The following RAPGEF2 variants were observed in gnomAD, a reference collection of about 807,000 sequenced individuals.
RAPGEF2 encodes PDZ domain containing guanine nucleotide exchange factor (GEF) 1.
In RAPGEF2, 54 loss-of-function variants were observed where a neutral mutation model predicts 186.7. The observed-to-expected ratio is 0.29, with a 90% CI of 0.23 to 0.36. The LOEUF (loss-of-function observed/expected upper bound fraction) is 0.36, where lower values mean the gene tolerates loss of function less well. RAPGEF2 is among the 10% of genes least tolerant of loss of function. RAPGEF2 has a pLI of 1.00. For missense variants in RAPGEF2, 1,532 were observed against 2,045.0 expected (o/e 0.75, Z 4.84); for synonymous variants, 712 against 705.9 (o/e 1.01, Z -0.14).
chr4:159,235,090 G>C lies in RAPGEF2; in HGVS notation c.282-3719G>C, dbSNP rs13152231. On this transcript the variant is annotated intron_variant, in intron 4 of 29. Transcript: ENST00000691494. ...AAAATTATCTTAATCTATACATCTG[G>C]TCTTTTGGAAAGCCCTTTGGATTCC... 1.6e-3 allele frequency among the ~76,000 whole-genome samples: 239 copies of C among 152,152 alleles called. 1 individual carries two copies. The highest frequency in any genetic ancestry group is 3.4e-3 in the Middle Eastern group (1 of 294).
chr4:159,343,736 A>G (rs1030988882), intron 22 of RAPGEF2, among the ~76,000 whole-genome samples: 1 of 152,244 alleles, frequency 6.6e-6, no homozygotes, highest in African/African-American at 2.4e-5. Context: ...AAATACCCCA[A>G]ATAGTCTTGT....
At chr4:159,344,800 C>T (rs911214334) in intron 23 of RAPGEF2, among the ~76,000 whole-genome samples, 1 of 152,152 alleles carries the variant, frequency 6.6e-6, no homozygotes, top group African/African-American at 2.4e-5. Flanking sequence ...TGAGCTTTTA[C>T]ATGTAATTAT....
chr4:159,182,315 A>G (rs1274409308), intron 1 of RAPGEF2, among the ~76,000 whole-genome samples: 2 of 151,978 alleles, frequency 1.3e-5, no homozygotes, highest in Non-Finnish European at 2.9e-5. Flanking sequence ...AACATACCAT[A>G]ACATTGTTTT....
In RAPGEF2 at chr4:159,265,931, A is replaced by G. The variant is rs377235515; in HGVS notation, c.543+22140A>G. On this transcript the variant is annotated intron_variant, in intron 7 of 29. Transcript: ENST00000691494. ...GGAAACTCTTAGATGTAGAAATGGCATAACAGGATCACTATGGTTCATCAT... is the reference window on the plus strand; with the variant it reads ...GGAAACTCTTAGATGTAGAAATGGCGTAACAGGATCACTATGGTTCATCAT... Among the ~76,000 whole-genome samples the G allele has an allele frequency of 6.9e-3, 1,058 of 152,336 alleles. 7 individuals are homozygous for G. Among genetic ancestry groups the G allele is most frequent in the Non-Finnish European group, 0.011 (764 of 68,036 alleles).
At chr4:159,170,695 A>G (rs993458921) in intron 1 of RAPGEF2, among the ~76,000 whole-genome samples, 3 of 152,164 alleles carry the variant, frequency 2.0e-5, no homozygotes, top group Admixed American at 6.5e-5. Flanking sequence ...GCTATACAGA[A>G]ACTTTTTAGT....
chr4:159,248,577 T>C (rs935820399), intron 7 of RAPGEF2, among the ~76,000 whole-genome samples: 8 of 152,210 alleles, frequency 5.3e-5, no homozygotes, highest in Admixed American at 2.0e-4. Context: ...CTGTGTGTGC[T>C]GCAATTTCTG....
chr4:159,328,246 A>G (rs1417332275), intron 11 of RAPGEF2: 3 of 152,158 alleles, frequency 2.0e-5, no homozygotes, highest in African/African-American at 7.2e-5. Flanking sequence ...AGGATCATGT[A>G]TTTTGAAACA....
intron 1 of RAPGEF2, among the ~76,000 whole-genome samples, chr4:159,130,234 T>A (rs554793074): frequency 2.2e-4 from 33 of 152,278 alleles, no homozygotes; most frequent in Admixed American, 2.0e-3. Flanking sequence ...ATCAGCAGGG[T>A]CTTTTTGACC....
Position 159,311,228 on chromosome 4 carries a change from A to ATATGATAGTCATTCAATATAGGATCAC in RAPGEF2, c.676-3359_676-3333dup, listed in dbSNP as rs578254016. 1.4e-4 allele frequency among the ~76,000 whole-genome samples: 22 copies of ATATGATAGTCATTCAATATAGGATCAC among 152,348 alleles called. No individual in the cohort carries two copies. In the South Asian group the frequency reaches 4.6e-3, roughly 32 times the overall value. ...AAACATCAACTTTAGTGCTAGACAC[A>ATATGATAGTCATTCAATATAGGATCAC]TATGATAGTCATTCAATATAGGATC... is the stretch of plus-strand genomic sequence containing the variant. On this transcript the variant is annotated intron_variant, in intron 8 of 29. Coordinates refer to ENST00000691494, the MANE Select transcript of RAPGEF2 (RefSeq NM_001394067.2).
chr4:159,257,288 G>A (rs1051875474), intron 7 of RAPGEF2, among the ~76,000 whole-genome samples: 1 of 152,190 alleles, frequency 6.6e-6, no homozygotes. Context: ...TGGACTCACA[G>A]TGCCACCTGG....
chr4:159,348,006 A>T (rs777254629), intron 25 of RAPGEF2, among the ~76,000 whole-genome samples: 8 of 152,198 alleles, frequency 5.3e-5, no homozygotes, highest in Non-Finnish European at 8.8e-5. Context: ...GAATCACTCG[A>T]GGCCAGGAGT....
chr4:159,276,519 CTTTG>C (rs1265589260), intron 7 of RAPGEF2, among the ~76,000 whole-genome samples: 2 of 151,986 alleles, frequency 1.3e-5, no homozygotes, highest in Admixed American at 1.3e-4. Flanking sequence ...ATTTTCACTG[CTTTG>C]TTTTTGTTAC....
chr4:159,258,811 A>T (rs916112910), intron 7 of RAPGEF2, among the ~76,000 whole-genome samples: 1 of 152,210 alleles, frequency 6.6e-6, no homozygotes, highest in Non-Finnish European at 1.5e-5. Flanking sequence ...AGCATTATTT[A>T]GTATTTCTAG....
chr4:159,115,680 A>G (rs1738968720), intron 1 of RAPGEF2, among the ~76,000 whole-genome samples: 1 of 152,176 alleles, frequency 6.6e-6, no homozygotes, highest in Non-Finnish European at 1.5e-5. Flanking sequence ...CCTGAGTTCA[A>G]ACTATACTAC....
chr4:159,139,799 G>A (rs1742118729), intron 1 of RAPGEF2, among the ~76,000 whole-genome samples: 1 of 152,158 alleles, frequency 6.6e-6, no homozygotes, highest in Admixed American at 6.5e-5. Context: ...TTTGCATCCT[G>A]TTTATTAAAT....
chr4:159,137,627 A>G (rs1017852479), intron 1 of RAPGEF2, among the ~76,000 whole-genome samples: 1 of 151,926 alleles, frequency 6.6e-6, no homozygotes. Flanking sequence ...TATGTGAGAG[A>G]GAATAAAGAA....
At chr4:159,341,492 C>T (rs1729468457) in intron 19 of RAPGEF2, 72 bp from the exon 20 acceptor site, 3 of 1,434,600 alleles carry the variant, frequency 2.1e-6, no homozygotes, top group African/African-American at 1.4e-5. Context: ...TAAAAAGTAG[C>T]ATTATTCTTT....
intron 3 of RAPGEF2, among the ~76,000 whole-genome samples, chr4:159,209,106 G>A (rs991089303): frequency 2.0e-5 from 3 of 151,084 alleles, no homozygotes; most frequent in Non-Finnish European, 4.4e-5. Flanking sequence ...TGGCCAGGCT[G>A]GTCTTGAACT....
At chr4:159,173,061 G>A (rs920107695) in intron 1 of RAPGEF2, among the ~76,000 whole-genome samples, 2 of 152,090 alleles carry the variant, frequency 1.3e-5, no homozygotes, top group African/African-American at 4.8e-5. Flanking sequence ...AATTACATAT[G>A]TCGAATATTC....
Sources: gnomAD v4.1 joint callset for allele counts (sites outside exome capture counted in the v4.1 genomes callset) on GRCh38, gnomAD v4.1.1 for gene constraint, MANE v1.5 for transcripts, NCBI Gene and HGNC (gene_info 2026-07-23, HGNC 2026-07-21) for gene names.